The following SLC35F5 variants were observed in gnomAD, a reference collection of about 807,000 sequenced individuals.
The protein encoded by SLC35F5 is solute carrier family 35 member F5, also known as HCV NS5A-transactivated protein 3.
Under a neutral mutation model 68.6 loss-of-function variants are expected in SLC35F5, and 54 were observed. That is an observed-to-expected ratio of 0.79 (90% CI 0.63 to 0.99). The LOEUF is 0.99. SLC35F5 is among the 50% of genes least tolerant of loss of function. The pLI, the probability that SLC35F5 is intolerant of heterozygous loss-of-function variation, is 0.00. For synonymous variants in SLC35F5, 211 were observed against 205.2 expected (o/e 1.03, Z -0.24); for missense variants, 567 against 626.9 (o/e 0.90, Z 1.02).
intron 4 of SLC35F5, 144 bp downstream of exon 4, chr2:113,750,281 G>C (rs757688032): frequency 3.1e-5 from 20 of 650,166 alleles, no homozygotes; most frequent in Non-Finnish European, 4.6e-5. Context: ...TTTTGGACAA[G>C]AGCCGGTTTT....
chr2:113,733,431 T>A (rs928764964), intron 9 of SLC35F5: 2 of 326,570 alleles, frequency 6.1e-6, no homozygotes, highest in African/African-American at 4.6e-5. Context: ...GAAGAAAAGT[T>A]ATAAATTAGC....
chr2:113,719,072 C>G, intron 14 of SLC35F5, 82 bp downstream of exon 14: 1 of 1,312,140 alleles, frequency 7.6e-7, no homozygotes, highest in Non-Finnish European at 1.0e-6. Flanking sequence ...CACAAAATCT[C>G]TAAAAGCTAG....
intron 5 of SLC35F5, among the ~76,000 whole-genome samples, chr2:113,744,445 C>T (rs2104467312): frequency 6.6e-6 from 1 of 152,236 alleles, no homozygotes. Context: ...CATTAGTACT[C>T]ACAATAATTT....
chr2:113,718,728 G>A (rs1687271904), intron 14 of SLC35F5, among the ~76,000 whole-genome samples: 1 of 152,026 alleles, frequency 6.6e-6, no homozygotes, highest in African/African-American at 2.4e-5. Context: ...CCAGGAGGCA[G>A]AGGTTGCAGT....
In SLC35F5 at chr2:113,712,050, C is replaced by T. The variant is rs1011951251; in HGVS notation, c.*3168G>A. On this transcript the variant is annotated 3_prime_UTR_variant, in exon 16 of 16. Coordinates refer to ENST00000245680, the MANE Select transcript of SLC35F5 (RefSeq NM_025181.5). ...TGGCTCTGCATGATTGATTTTACAG[C>T]GGGCATTAAAATTCTTCTGAAACAA... 6.6e-6 allele frequency among the ~76,000 whole-genome samples: 1 copy of T among 152,116 alleles called. No homozygotes were observed. The highest frequency in any genetic ancestry group is 1.5e-5 in the Non-Finnish European group (1 of 68,030).
At position 113,713,829 on chromosome 2, in the gene SLC35F5, TAGAAGTTCTC is replaced by T. The variant is rs1191833275; in HGVS notation, c.*1379_*1388del. Reference sequence around the variant, plus strand: ...AACAATTTTTAAAGGTAATATAATATAGAAGTTCTCAGAATGAAACAAAAGGAAGGCTAAA... The same window carrying T: ...AACAATTTTTAAAGGTAATATAATATAGAATGAAACAAAAGGAAGGCTAAA... On this transcript the variant is annotated 3_prime_UTR_variant, in exon 16 of 16. Coordinates refer to ENST00000245680, the MANE Select transcript of SLC35F5 (RefSeq NM_025181.5). 1 of 150,156 alleles carries T rather than the reference TAGAAGTTCTC, an allele frequency of 6.7e-6. No individual in the cohort carries two copies. The highest frequency in any genetic ancestry group is 1.5e-5 in the Non-Finnish European group (1 of 67,698). 9.3% of individuals were successfully genotyped at this position (150,156 alleles called of 1,614,324 possible).
chr2:113,745,912 T>A (rs1407203671), intron 5 of SLC35F5, among the ~76,000 whole-genome samples: 1 of 152,188 alleles, frequency 6.6e-6, no homozygotes, highest in South Asian at 2.1e-4. Context: ...GTAAAAAATT[T>A]GTGGAACAAA....
Position 113,756,425 on chromosome 2 carries a change from G to A in SLC35F5, c.-16C>T. The A allele has an allele frequency of 1.3e-6, 2 of 1,546,068 alleles. No individual in the cohort carries two copies. Among genetic ancestry groups the A allele is most frequent in the Non-Finnish European group, 1.7e-6 (2 of 1,147,584 alleles). ...GCGGCACCATGAGCGGACCGGTCAG[G>A]CCCCGCAGCCGCCCAGCGCCACGGC... On this transcript the variant is annotated 5_prime_UTR_variant, in exon 1 of 16. Coordinates refer to ENST00000245680, the MANE Select transcript of SLC35F5 (RefSeq NM_025181.5).
chr2:113,756,524 C>G lies in SLC35F5; in HGVS notation c.-115G>C. On this transcript the variant is annotated 5_prime_UTR_variant, in exon 1 of 16. Coordinates refer to ENST00000245680, the MANE Select transcript of SLC35F5 (RefSeq NM_025181.5). The stretch of plus-strand genomic sequence containing the variant: ...ACTGGAGGCCCAGCTCCTGAAGACG[C>G]GGTGCCCCTCAGGGAGAGGCTCCCG... 2 of 1,497,210 alleles carry G rather than the reference C, an allele frequency of 1.3e-6. No individual in the cohort carries two copies. The highest frequency in any genetic ancestry group is 5.0e-5 in the East Asian group (2 of 40,292). 92.7% of individuals were successfully genotyped at this position (1,497,210 alleles called of 1,614,324 possible). A position where few individuals can be genotyped will look rare whatever the true frequency, so the allele number is the denominator to read the frequency against.
In SLC35F5 at chr2:113,746,322, AC is replaced by A; in HGVS notation, c.434del (p.Gly145ValfsTer12). On this transcript the variant is annotated frameshift_variant, in exon 5 of 16. Transcript: ENST00000245680. LOFTEE classifies it high-confidence loss of function. ...KHAAFFADAEGYFAACTTDTT... is the reference protein window; with the variant it reads ...KHAAFFADAEXYFAACTTDTT... ...TATCTGTTGTGCAAGCAGCAAAGTAACCTTCAGCATCTGCAAACTAAATACA... is the reference window on the plus strand; with the variant it reads ...TATCTGTTGTGCAAGCAGCAAAGTAACTTCAGCATCTGCAAACTAAATACA... 6.2e-7 allele frequency: 1 copy of A among 1,613,182 alleles called. No homozygotes were observed. The highest frequency in any genetic ancestry group is 8.5e-7 in the Non-Finnish European group (1 of 1,179,544).
chr2:113,746,301 T>C lies in SLC35F5; in HGVS notation c.456A>G (p.Thr152=). ...DAEGYFAACT[T]DTTMNSSLSE... ...CCAAAGAACTATTCATAGTTGTATC[T>C]GTTGTGCAAGCAGCAAAGTAACCTT... Residue 152 remains threonine (T), a synonymous_variant, in exon 5 of 16, where the codon ACA becomes ACG. Transcript: ENST00000245680. 6.2e-7 allele frequency: 1 copy of C among 1,613,440 alleles called. No individual in the cohort carries two copies. Among genetic ancestry groups the C allele is most frequent in the East Asian group, 2.2e-5 (1 of 44,864 alleles).
rs534664670 is a variant in SLC35F5 at position 113,712,390 on chromosome 2, C to A, written c.*2828G>T. On this transcript the variant is annotated 3_prime_UTR_variant, in exon 16 of 16. Transcript: ENST00000245680. The stretch of plus-strand genomic sequence containing the variant: ...GGAGTGCAGGGGCACGATCTCGGCT[C>A]ACTGCAGGCTCCGCCTCCCGGGTTC... 6.6e-6 allele frequency among the ~76,000 whole-genome samples: 1 copy of A among 152,074 alleles called. No homozygotes were observed. The highest frequency in any genetic ancestry group is 2.4e-5 in the African/African-American group (1 of 41,408).
At chr2:113,747,645 T>A (rs894479378) in intron 4 of SLC35F5, among the ~76,000 whole-genome samples, 4 of 152,348 alleles carry the variant, frequency 2.6e-5, no homozygotes, top group Non-Finnish European at 5.9e-5. Flanking sequence ...TGTTCACCTG[T>A]CCAGTTGGCA....
intron 13 of SLC35F5, among the ~76,000 whole-genome samples, chr2:113,720,413 T>C (rs1008755384): frequency 1.3e-5 from 2 of 151,404 alleles, no homozygotes; most frequent in Non-Finnish European, 1.5e-5. Context: ...GCACCATTAG[T>C]CAGAGTAAAC....
chr2:113,747,014 C>T lies in SLC35F5; in HGVS notation c.418-675G>A, dbSNP rs188613068. Among the ~76,000 whole-genome samples the T allele has an allele frequency of 8.4e-4, 127 of 151,708 alleles. 1 individual carries two copies. The highest frequency in any genetic ancestry group is 2.4e-4 in the Non-Finnish European group (16 of 67,928). ...AAAAACCTCTGAATGAGACCAAGCA[C>T]GGTGGCTCACACCTGTAATCCCGGC... On this transcript the variant is annotated intron_variant, in intron 4 of 15. Transcript: ENST00000245680.
At chr2:113,705,894 C>T (rs1686787089), downstream of SLC35F5, among the ~76,000 whole-genome samples, 1 of 152,056 alleles carries the variant, frequency 6.6e-6, no homozygotes, top group Admixed American at 6.5e-5. Flanking sequence ...TCACATTTCC[C>T]TTTAGCTCAG....
intron 11 of SLC35F5, among the ~76,000 whole-genome samples, chr2:113,726,668 T>C (rs1367194459): frequency 6.6e-6 from 1 of 152,106 alleles, no homozygotes; most frequent in African/African-American, 2.4e-5. Flanking sequence ...AAGTCTGCCT[T>C]TCCCAGCAAG....
At chr2:113,748,297 C>G (rs909270671) in intron 4 of SLC35F5, among the ~76,000 whole-genome samples, 3 of 147,834 alleles carry the variant, frequency 2.0e-5, no homozygotes, top group African/African-American at 7.6e-5. Flanking sequence ...TCCCGACTAA[C>G]CGGGATTACA....
chr2:113,756,300 G>A lies in SLC35F5; in HGVS notation c.40+70C>T, dbSNP rs1263532426. On this transcript the variant is annotated intron_variant, in intron 1 of 15. Coordinates refer to ENST00000245680, the MANE Select transcript of SLC35F5 (RefSeq NM_025181.5). ...CCTGCTGCCACCGAGGGCAGGAGGTGGTGCTGCTGGTGGGCACTCCGTCCC... is the reference window on the plus strand; with the variant it reads ...CCTGCTGCCACCGAGGGCAGGAGGTAGTGCTGCTGGTGGGCACTCCGTCCC... 9.7e-6 allele frequency: 15 copies of A among 1,548,264 alleles called. No individual in the cohort carries two copies. The Admixed American group carries it at 2.9e-4, about 30-fold the overall frequency.
Sources: gnomAD v4.1 joint callset for allele counts (sites outside exome capture counted in the v4.1 genomes callset) on GRCh38, gnomAD v4.1.1 for gene constraint, MANE v1.5 for transcripts, NCBI Gene and HGNC (gene_info 2026-07-23, HGNC 2026-07-21) for gene names.